The following WASHC4 variants were observed in gnomAD, a reference collection of about 807,000 sequenced individuals.
The protein encoded by WASHC4 is WASH complex subunit 7.
Under a neutral mutation model 166.6 loss-of-function variants are expected in WASHC4, and 86 were observed. The observed-to-expected ratio is 0.52, with a 90% CI of 0.43 to 0.62. The LOEUF is 0.62. WASHC4 is among the 20% of genes least tolerant of loss of function. WASHC4 has a pLI of 0.00. For missense variants in WASHC4, 1,262 were observed against 1,382.4 expected (o/e 0.91, Z 1.38); for synonymous variants, 446 against 451.6 (o/e 0.99, Z 0.16).
chr12:105,120,602 A>G lies in WASHC4; in HGVS notation c.561+5A>G. The G allele has an allele frequency of 6.3e-7, 1 of 1,590,624 alleles. No individual in the cohort carries two copies. Among genetic ancestry groups the G allele is most frequent in the Non-Finnish European group, 8.6e-7 (1 of 1,158,810 alleles). On this transcript the variant is annotated splice_donor_5th_base_variant and intron_variant, in intron 8 of 32. Coordinates refer to ENST00000332180, the MANE Select transcript of WASHC4 (RefSeq NM_015275.3). ...ACAACTGGAGTTCATTTTCAGGTAAAAGACATTTAGCTTGACCTGTAAAAC... is the reference window on the plus strand; with the variant it reads ...ACAACTGGAGTTCATTTTCAGGTAAGAGACATTTAGCTTGACCTGTAAAAC...
chr12:105,123,484 G>C (rs1289992456), intron 10 of WASHC4, among the ~76,000 whole-genome samples: 2 of 152,206 alleles, frequency 1.3e-5, no homozygotes, highest in African/African-American at 2.4e-5. Flanking sequence ...AGTTTTGTTG[G>C]ACTGAATTGA....
chr12:105,162,417 T>A (rs1318691267), intron 29 of WASHC4, among the ~76,000 whole-genome samples: 1 of 152,164 alleles, frequency 6.6e-6, no homozygotes, highest in Non-Finnish European at 1.5e-5. Context: ...AGATAATAAA[T>A]CTCCCAAGCC....
Position 105,122,118 on chromosome 12 carries a change from G to A in WASHC4, c.666G>A (p.Arg222=), listed in dbSNP as rs1411939931. 12 of 1,593,154 alleles carry A rather than the reference G, an allele frequency of 7.5e-6. 1 individual carries two copies. The East Asian group carries it at 1.1e-4, about 15-fold the overall frequency. ...TLKDHWTMYK[R]LLKSVHHNPS... is the part of the protein sequence containing the mutation. ...GATGTTTCTCTTAATTTTCCTCAAG[G>A]TTACTGAAATCTGTCCATCACAATC... The change falls in exon 10 of 33, where the codon AGG becomes AGA. Residue 222 remains arginine (R), a splice_region_variant and synonymous_variant. Coordinates refer to ENST00000332180, the MANE Select transcript of WASHC4 (RefSeq NM_015275.3).
At chr12:105,142,935 AT>A (rs986472449) in intron 19 of WASHC4, among the ~76,000 whole-genome samples, 191 bp from the exon 20 acceptor site, 1 of 151,814 alleles carries the variant, frequency 6.6e-6, no homozygotes, top group Admixed American at 6.6e-5. Flanking sequence ...AGCGAATGTG[AT>A]TTTTTTTGGG....
In WASHC4 at chr12:105,126,142, A is replaced by AT; in HGVS notation, c.910+21dup. 6.2e-7 allele frequency: 1 copy of AT among 1,612,900 alleles called. No individual in the cohort carries two copies. ...AGCCAAACTTGGTAATGTAAATCGC[A>AT]TTTTTTGGTTTTTGTTTATAAAATT... is the stretch of plus-strand genomic sequence containing the variant. On this transcript the variant is annotated intron_variant, in intron 11 of 32. Coordinates refer to ENST00000332180, the MANE Select transcript of WASHC4 (RefSeq NM_015275.3).
In WASHC4 at chr12:105,127,144, C is replaced by G. The variant is rs1347248161; in HGVS notation, c.1054C>G (p.Leu352Val). 1 of 1,613,062 alleles carries G rather than the reference C, an allele frequency of 6.2e-7. No homozygotes were observed. The highest frequency in any genetic ancestry group is 2.2e-5 in the East Asian group (1 of 44,782). The change falls in exon 13 of 33, where the codon CTA becomes GTA. Residue 352 changes from leucine to valine, a missense_variant. Coordinates refer to ENST00000332180, the MANE Select transcript of WASHC4 (RefSeq NM_015275.3). ...TCTGTTTCAGGTACCAGCCATCACT[C>G]TAACTGCTAATATTATTTGGTTTCC... ...DICKKVPAITLTANIIWFPDN... is the reference protein window; with the variant it reads ...DICKKVPAITVTANIIWFPDN...
chr12:105,164,821 C>T (rs1343846869), intron 32 of WASHC4, 81 bp downstream of exon 32: 5 of 911,796 alleles, frequency 5.5e-6, no homozygotes, highest in Non-Finnish European at 8.8e-6. Flanking sequence ...TCTGGTCAGA[C>T]ATCTAGCTTC....
chr12:105,132,432 G>A (rs1004649600), intron 13 of WASHC4, among the ~76,000 whole-genome samples: 1 of 152,132 alleles, frequency 6.6e-6, no homozygotes, highest in East Asian at 1.9e-4. Context: ...TCGGCCTCCC[G>A]AAGTGCTGGG....
In WASHC4 at chr12:105,122,166, A is replaced by G. The variant is rs746757408; in HGVS notation, c.714A>G (p.Glu238=). ...ATCCTTCAAAATTTGGAATTCAGGA[A>G]GAAAAATTAAAGCCATTTGAAAAGT... ...HHNPSKFGIQ[E]EKLKPFEKFL... Residue 238 remains glutamate, a synonymous_variant, in exon 10 of 33, where the codon GAA becomes GAG. Coordinates refer to ENST00000332180, the MANE Select transcript of WASHC4 (RefSeq NM_015275.3). 1.2e-6 allele frequency: 2 copies of G among 1,611,078 alleles called. No individual in the cohort carries two copies. Among genetic ancestry groups the G allele is most frequent in the Admixed American group, 3.3e-5 (2 of 60,006 alleles).
Position 105,152,262 on chromosome 12 carries a change from T to C in WASHC4, c.2650-81T>C, listed in dbSNP as rs573442143. 1.8e-4 allele frequency: 135 copies of C among 738,474 alleles called. 1 individual carries two copies. In the African/African-American group the frequency reaches 2.2e-3, roughly 12 times the overall value. 45.7% of individuals were successfully genotyped at this position (738,474 alleles called of 1,614,324 possible). On this transcript the variant is annotated intron_variant, in intron 25 of 32. Coordinates refer to ENST00000332180, the MANE Select transcript of WASHC4 (RefSeq NM_015275.3). ...ATGAAATACAAAATTGAAAGGAGAG[T>C]AGTATTGGCATGGTTTATTTGGGAG...
chr12:105,156,746 C>T lies in WASHC4; in HGVS notation c.2779C>T (p.Arg927Ter), dbSNP rs1473563980. 3.7e-6 allele frequency: 6 copies of T among 1,611,530 alleles called. No individual in the cohort carries two copies. Among genetic ancestry groups the T allele is most frequent in the South Asian group, 2.2e-5 (2 of 91,036 alleles). Residue 927 changes from arginine to a stop codon, truncating the protein, a stop_gained, in exon 27 of 33, where the codon CGA (arginine) becomes TGA (stop). Transcript: ENST00000332180. LOFTEE classifies it high-confidence loss of function. ...TTAAGGTAATGCTATGGGCTATGTA[C>T]GAATGATAAGATCTGGTGGTCTTCA... ...SQIGNAMGYV[R>*]MIRSGGLHCS...
rs369824204 is a variant in WASHC4, at chr12:105,164,138, A to C, written c.3185A>C (p.Asp1062Ala). The part of the protein sequence containing the change: ...MGVAYILKLL[D>A]QYREFDSLHW... The stretch of plus-strand genomic sequence containing the variant: ...GTGGCTTACATTCTAAAGCTTTTGG[A>C]TCAGTATCGGGAGTTTGATTCACTT... Residue 1062 changes from aspartate to alanine, a missense_variant, in exon 31 of 33, where the codon GAT becomes GCT. Transcript: ENST00000332180. 1.6e-4 allele frequency: 255 copies of C among 1,614,122 alleles called. 1 individual carries two copies. The South Asian group carries it at 1.6e-3, about 10-fold the overall frequency.
At chr12:105,142,946 G>A (rs976073630) in intron 19 of WASHC4, among the ~76,000 whole-genome samples, 181 bp from the exon 20 acceptor site, 7 of 151,884 alleles carry the variant, frequency 4.6e-5, no homozygotes, top group Non-Finnish European at 8.8e-5. Context: ...TTTTTTTTGG[G>A]TATATTTAGT....
chr12:105,162,839 G>A lies in WASHC4; in HGVS notation c.3151G>A (p.Ala1051Thr). Residue 1051 changes from alanine (A) to threonine (T), a missense_variant, in exon 30 of 33, where the codon GCC becomes ACC. By Grantham distance (58) the Ala-to-Thr change is moderately conservative. Transcript: ENST00000332180. ...IGAAFTDDGF[A>T]MGVAYILKLL... ...AGCTGCCTTTACTGATGATGGCTTT[G>A]CCATGGGTAAGCTTAATGGAATTGT... 6.4e-7 allele frequency: 1 copy of A among 1,563,788 alleles called. No homozygotes were observed. Among genetic ancestry groups the A allele is most frequent in the South Asian group, 1.1e-5 (1 of 89,270 alleles).
At position 105,144,740 on chromosome 12, in the gene WASHC4, C is replaced by A; in HGVS notation, c.2202C>A (p.Asp734Glu). ...TAGCTTACGTAACTCACTACCTAGA[C>A]AAGACTTTCTACAATCTAACAACTG... Reference protein sequence around the residue: ...DIRAYVTHYLDKTFYNLTTVA... With the variant: ...DIRAYVTHYLEKTFYNLTTVA... Residue 734 changes from aspartate to glutamate, a missense_variant, in exon 22 of 33, where the codon GAC becomes GAA. Coordinates refer to ENST00000332180, the MANE Select transcript of WASHC4 (RefSeq NM_015275.3). 6.2e-7 allele frequency: 1 copy of A among 1,611,524 alleles called. No homozygotes were observed.
intron 13 of WASHC4, among the ~76,000 whole-genome samples, chr12:105,131,375 C>T (rs1206689165): frequency 2.6e-5 from 4 of 152,212 alleles, no homozygotes; most frequent in African/African-American, 4.8e-5. Flanking sequence ...CGTGAGCCAC[C>T]GCGCCCGGCC....
At chr12:105,139,595 CCT>C (rs1592887044) in intron 15 of WASHC4, among the ~76,000 whole-genome samples, 1 of 150,870 alleles carries the variant, frequency 6.6e-6, no homozygotes, top group African/African-American at 2.4e-5. Context: ...ATATTTAACC[CCT>C]GATTGTTAGT....
rs779731606 is a variant in WASHC4 at position 105,147,054 on chromosome 12, C to T, written c.2422C>T (p.Arg808Ter). The change falls in exon 24 of 33, where the codon CGA becomes TGA. Residue 808 changes from arginine (R) to a stop codon, truncating the protein, a stop_gained. Coordinates refer to ENST00000332180, the MANE Select transcript of WASHC4 (RefSeq NM_015275.3). LOFTEE classifies it high-confidence loss of function. ...TGTTTCATTGCAGATTTTTATTGAA[C>T]GAACAAGCAATAACAAGCATTTGAA... ...YNLNNQIFIE[R>*]TSNNKHLNTI... 5 of 1,600,786 alleles carry T rather than the reference C, an allele frequency of 3.1e-6. No individual in the cohort carries two copies. The highest frequency in any genetic ancestry group is 2.7e-5 in the African/African-American group (2 of 74,624).
chr12:105,137,386 G>C (rs1215717628), intron 14 of WASHC4, among the ~76,000 whole-genome samples: 4 of 152,106 alleles, frequency 2.6e-5, no homozygotes, highest in Non-Finnish European at 5.9e-5. Flanking sequence ...ATAGGAAAGG[G>C]GGACTTGGCT....
Sources: gnomAD v4.1 joint callset for allele counts (sites outside exome capture counted in the v4.1 genomes callset) on GRCh38, gnomAD v4.1.1 for gene constraint, MANE v1.5 for transcripts, NCBI Gene and HGNC (gene_info 2026-07-23, HGNC 2026-07-21) for gene names.